The following SBF2 variants were observed in gnomAD, a reference collection of about 807,000 sequenced individuals.
SBF2 encodes the protein SET binding factor 2, also known as myotubularin-related protein 13.
Under a neutral mutation model 225.2 loss-of-function variants are expected in SBF2, and 112 were observed. That is an observed-to-expected ratio of 0.50 (90% CI 0.43 to 0.58). The LOEUF is 0.58. Ranked by LOEUF, SBF2 falls within the 20% of genes least tolerant of loss-of-function variation. SBF2 has a pLI of 0.00. For synonymous variants in SBF2, 763 were observed against 773.3 expected (o/e 0.99, Z 0.22); for missense variants, 1,996 against 2,206.2 (o/e 0.90, Z 1.91).
chr11:10,173,673 C>G (rs186630858), intron 2 of SBF2, among the ~76,000 whole-genome samples: 10,673 of 151,364 alleles, frequency 0.071, 543 homozygotes, highest in East Asian at 0.27. Flanking sequence ...CTCAAGGAGG[C>G]CTGCCTGCCT....
At chr11:10,260,184 T>G (rs573234950) in intron 1 of SBF2, among the ~76,000 whole-genome samples, 42 of 152,256 alleles carry the variant, frequency 2.8e-4, no homozygotes, top group African/African-American at 9.9e-4. Flanking sequence ...ACCCATAATG[T>G]GTTAATAAAA....
chr11:10,267,170 TC>T (rs1282863074), intron 1 of SBF2, among the ~76,000 whole-genome samples: 1 of 152,190 alleles, frequency 6.6e-6, no homozygotes, highest in Non-Finnish European at 1.5e-5. Flanking sequence ...CCCTACTTCC[TC>T]CATCCTCCTA....
chr11:9,819,243 C>T (rs1433445879), intron 28 of SBF2: 2 of 152,160 alleles, frequency 1.3e-5, no homozygotes, highest in African/African-American at 4.8e-5. Flanking sequence ...ATTATGGACT[C>T]TTCCCTTAGC....
At chr11:10,265,808 G>A (rs1376313734) in intron 1 of SBF2, among the ~76,000 whole-genome samples, 1 of 152,086 alleles carries the variant, frequency 6.6e-6, no homozygotes, top group East Asian at 1.9e-4. Flanking sequence ...TCCTGCCTCA[G>A]CCTCTCAAGT....
At chr11:9,885,206 G>A (rs1860164123) in intron 17 of SBF2, among the ~76,000 whole-genome samples, 1 of 122,018 alleles carries the variant, frequency 8.2e-6, no homozygotes, top group African/African-American at 3.2e-5. Context: ...AGCTCAGATT[G>A]CACCACTGCA....
At chr11:10,001,747 G>A (rs1947969083) in intron 7 of SBF2, among the ~76,000 whole-genome samples, 2 of 152,028 alleles carry the variant, frequency 1.3e-5, no homozygotes, top group Admixed American at 6.5e-5. Context: ...AGGATGGTAT[G>A]GATCTCTTGA....
chr11:10,169,239 T>C (rs2135238720), intron 2 of SBF2, among the ~76,000 whole-genome samples: 2 of 152,278 alleles, frequency 1.3e-5, no homozygotes, highest in Middle Eastern at 6.8e-3. Flanking sequence ...TTGACTGTAG[T>C]CACCCTGTTG....
intron 1 of SBF2, among the ~76,000 whole-genome samples, chr11:10,288,980 AC>A (rs1365255057): frequency 2.1e-4 from 32 of 152,204 alleles, no homozygotes; most frequent in Non-Finnish European, 4.1e-4. Context: ...TCCGCCATCC[AC>A]GACGCCCAGG....
intron 13 of SBF2, among the ~76,000 whole-genome samples, chr11:9,974,882 C>T (rs1382993552): frequency 1.4e-5 from 2 of 145,210 alleles, no homozygotes; most frequent in Non-Finnish European, 3.0e-5. Flanking sequence ...ATCGCTTGAA[C>T]CCAGGAGGCA....
At chr11:10,227,916 T>C (rs1347878343) in intron 1 of SBF2, among the ~76,000 whole-genome samples, 1 of 151,524 alleles carries the variant, frequency 6.6e-6, no homozygotes, top group African/African-American at 2.4e-5. Flanking sequence ...TTGGGCAGTA[T>C]GGCCATTTTC....
At chr11:10,000,548 T>C (rs1344495198) in intron 8 of SBF2, among the ~76,000 whole-genome samples, 1 of 152,222 alleles carries the variant, frequency 6.6e-6, no homozygotes, top group East Asian at 1.9e-4. Context: ...TTCTGCTTTG[T>C]TAGTTATCAG....
chr11:10,213,201 C>T (rs1437425994), intron 1 of SBF2, among the ~76,000 whole-genome samples: 3 of 152,334 alleles, frequency 2.0e-5, no homozygotes, highest in East Asian at 3.9e-4. Flanking sequence ...ATTTCTCTCA[C>T]TGTTGTATTT....
intron 16 of SBF2, among the ~76,000 whole-genome samples, chr11:9,903,665 A>G (rs550990034): frequency 3.3e-5 from 5 of 152,332 alleles, no homozygotes; most frequent in African/African-American, 1.2e-4. Flanking sequence ...GTCAAGTGCC[A>G]TTTTAACCTT....
At chr11:9,931,174 G>T (rs1274079279) in intron 16 of SBF2, among the ~76,000 whole-genome samples, 1 of 152,270 alleles carries the variant, frequency 6.6e-6, no homozygotes, top group Non-Finnish European at 1.5e-5. Flanking sequence ...TCTGTGGGCA[G>T]GGCATAGCTG....
chr11:10,034,978 T>C (rs1210068135), intron 3 of SBF2, among the ~76,000 whole-genome samples: 2 of 152,156 alleles, frequency 1.3e-5, no homozygotes, highest in East Asian at 3.9e-4. Flanking sequence ...AAATACACAT[T>C]TTAGGATAAC....
chr11:9,838,672 G>A (rs915230557), intron 26 of SBF2: 1 of 152,170 alleles, frequency 6.6e-6, no homozygotes, highest in Non-Finnish European at 1.5e-5. Context: ...GTAACATTAA[G>A]ATAACTTTCT....
At chr11:9,917,523 G>A (rs1244288145) in intron 16 of SBF2, among the ~76,000 whole-genome samples, 3 of 151,318 alleles carry the variant, frequency 2.0e-5, no homozygotes, top group Non-Finnish European at 4.4e-5. Flanking sequence ...CCAGAGATGG[G>A]GTTTCACCAT....
At chr11:9,780,652 A>T in intron 39 of SBF2, 136 bp from the exon 40 acceptor site, 1 of 730,490 alleles carries the variant, frequency 1.4e-6, no homozygotes, top group Non-Finnish European at 2.4e-6. Flanking sequence ...TTCTTCCTCA[A>T]CTACCATACT....
At chr11:10,133,634 T>C (rs997725058) in intron 2 of SBF2, among the ~76,000 whole-genome samples, 3 of 148,442 alleles carry the variant, frequency 2.0e-5, no homozygotes, top group Non-Finnish European at 4.5e-5. Context: ...CACCCGGAAC[T>C]CCAGCTGGCC....
Sources: allele counts gnomAD v4.1 joint callset (sites outside exome capture counted in the v4.1 genomes callset), GRCh38; gene constraint gnomAD v4.1.1; transcripts MANE v1.5; gene names NCBI Gene and HGNC (gene_info 2026-07-23, HGNC 2026-07-21).